CFAP299: variants seen among roughly 807,000 people sequenced by gnomAD.
CFAP299 encodes cilia and flagella associated protein 299.
In CFAP299, 21 loss-of-function variants were observed where a neutral mutation model predicts 27.0. That is an observed-to-expected ratio of 0.78 (90% confidence interval 0.55 to 1.12). The LOEUF is 1.12. Ranked by LOEUF, CFAP299 falls within the 50% of genes most tolerant of loss-of-function variation. The probability of loss-of-function intolerance (pLI) is 0.00; values close to 1 mark genes in which losing one functional copy is unlikely to be tolerated. For missense variants in CFAP299, 310 were observed against 276.6 expected (o/e 1.12, Z -0.86); for synonymous variants, 104 against 98.1 (o/e 1.06, Z -0.36).
At chr4:80,394,420 A>G (rs1188014436) in intron 2 of CFAP299, among the ~76,000 whole-genome samples, 1 of 146,426 alleles carries the variant, frequency 6.8e-6, no homozygotes. Context: ...TTTTTTTTTT[A>G]AATTAGATGC....
chr4:80,780,976 A>G (rs955512507), intron 3 of CFAP299, among the ~76,000 whole-genome samples: 5 of 151,868 alleles, frequency 3.3e-5, no homozygotes, highest in African/African-American at 4.8e-5. Context: ...AATTTATAGA[A>G]AAATGTGTAT....
intron 2 of CFAP299, chr4:80,388,182 G>C (rs758577097): frequency 1.5e-6 from 1 of 688,006 alleles, no homozygotes; most frequent in East Asian, 2.7e-5. Context: ...GGAGGAGGGG[G>C]TGAAGGCTAG....
intron 3 of CFAP299, among the ~76,000 whole-genome samples, chr4:80,778,905 T>C (rs116149399): frequency 0.02 from 3,042 of 152,162 alleles, 76 homozygotes; most frequent in South Asian, 0.06. Context: ...TTCTATGCAA[T>C]TTTATCCCAT....
chr4:80,474,824 A>G (rs1400583454), intron 2 of CFAP299, among the ~76,000 whole-genome samples: 1 of 152,216 alleles, frequency 6.6e-6, no homozygotes, highest in Non-Finnish European at 1.5e-5. Flanking sequence ...ACCTGTGTTC[A>G]TGGGGCTTAT....
chr4:80,644,729 G>T (rs1577969183), intron 3 of CFAP299, among the ~76,000 whole-genome samples: 1 of 152,094 alleles, frequency 6.6e-6, no homozygotes, highest in East Asian at 1.9e-4. Context: ...CTCTTTAGAA[G>T]AATTTTATTC....
intron 4 of CFAP299, 40 bp from the exon 5 acceptor site, chr4:80,944,770 A>G (rs768544459): frequency 3.4e-6 from 5 of 1,451,602 alleles, no homozygotes; most frequent in Non-Finnish European, 4.7e-6. Context: ...AATTTAATGC[A>G]TTATACATCT....
chr4:80,845,993 T>A (rs886723200), intron 3 of CFAP299, among the ~76,000 whole-genome samples: 10 of 152,198 alleles, frequency 6.6e-5, no homozygotes, highest in African/African-American at 2.4e-4. Flanking sequence ...TTTTCTATAG[T>A]TCACTTATGT....
chr4:80,787,977 A>C (rs760382146), intron 3 of CFAP299, among the ~76,000 whole-genome samples: 3 of 151,910 alleles, frequency 2.0e-5, no homozygotes, highest in Admixed American at 2.0e-4. Context: ...ACCGGTTCTC[A>C]AACTTCAGTG....
At position 80,737,932 on chromosome 4, in the gene CFAP299, T is replaced by C. The variant is rs142521434; in HGVS notation, c.334-132061T>C. Among the ~76,000 whole-genome samples, 767 of 152,292 alleles carry C rather than the reference T, an allele frequency of 5.0e-3. 5 individuals carry two copies. The highest frequency in any genetic ancestry group is 0.017 in the African/African-American group (722 of 41,576). ...GAGATTTTGGTATGTTGAGTTTTAA[T>C]TATCACTTGTTTCCAAAAATTTATT... On this transcript the variant is annotated intron_variant, in intron 3 of 5. Coordinates refer to ENST00000358105, the MANE Select transcript of CFAP299 (RefSeq NM_152770.3).
chr4:80,935,701 A>G (rs1283916541), intron 4 of CFAP299, among the ~76,000 whole-genome samples: 1 of 152,088 alleles, frequency 6.6e-6, no homozygotes, highest in East Asian at 1.9e-4. Context: ...GTAACAAAAT[A>G]AAAAATTGAC....
chr4:80,769,809 T>G (rs918101200), intron 3 of CFAP299, among the ~76,000 whole-genome samples: 3 of 152,192 alleles, frequency 2.0e-5, no homozygotes, highest in Non-Finnish European at 1.5e-5. Context: ...AAGACTGCAA[T>G]TCTTATCTGA....
At chr4:80,359,807 T>G (rs555628011) in intron 1 of CFAP299, among the ~76,000 whole-genome samples, 32 of 152,340 alleles carry the variant, frequency 2.1e-4, no homozygotes, top group South Asian at 1.2e-3. Context: ...ATCCGTATTC[T>G]GAATTCTATT....
At chr4:80,800,079 AAT>A (rs1285708489) in intron 3 of CFAP299, among the ~76,000 whole-genome samples, 1 of 69,074 alleles carries the variant, frequency 1.4e-5, no homozygotes, top group Admixed American at 2.7e-4. Flanking sequence ...ATATAAATAA[AAT>A]ATAAATATAT....
intron 2 of CFAP299, among the ~76,000 whole-genome samples, chr4:80,364,874 T>C (rs1434490867): frequency 6.6e-6 from 1 of 152,230 alleles, no homozygotes; most frequent in Admixed American, 6.5e-5. Flanking sequence ...TTTCTGCTCC[T>C]GTGTAAGTTT....
intron 3 of CFAP299, among the ~76,000 whole-genome samples, chr4:80,661,955 G>A (rs187655746): frequency 3.9e-5 from 6 of 152,242 alleles, no homozygotes; most frequent in East Asian, 1.9e-4. Context: ...CTCCCATAGC[G>A]CTCTCAGGCT....
At chr4:80,650,652 A>C (rs1253723511) in intron 3 of CFAP299, among the ~76,000 whole-genome samples, 1 of 152,184 alleles carries the variant, frequency 6.6e-6, no homozygotes, top group Non-Finnish European at 1.5e-5. Context: ...AGTAAGCCTT[A>C]TGCATCTTAA....
At chr4:80,757,515 T>C (rs78412815) in intron 3 of CFAP299, among the ~76,000 whole-genome samples, 2,764 of 152,278 alleles carry the variant, frequency 0.018, 60 homozygotes, top group East Asian at 0.059. Flanking sequence ...ACCAAACTTA[T>C]ATTCTTTTAT....
chr4:80,919,027 A>G (rs1430388076), intron 4 of CFAP299, among the ~76,000 whole-genome samples: 1 of 152,110 alleles, frequency 6.6e-6, no homozygotes, highest in Non-Finnish European at 1.5e-5. Flanking sequence ...CCAGAACAGC[A>G]AGTATAACTT....
intron 2 of CFAP299, among the ~76,000 whole-genome samples, chr4:80,464,533 G>C (rs1431980678): frequency 6.6e-6 from 1 of 152,030 alleles, no homozygotes. Flanking sequence ...AACTTCAAAG[G>C]CTTAAAAAAT....
Sources: gnomAD v4.1 joint callset for allele counts (sites outside exome capture counted in the v4.1 genomes callset) on GRCh38, gnomAD v4.1.1 for gene constraint, MANE v1.5 for transcripts, NCBI Gene and HGNC (gene_info 2026-07-23, HGNC 2026-07-21) for gene names.